Variants in VAC14 observed in about 807,000 individuals in gnomAD.
The protein encoded by VAC14 is protein VAC14 homolog.
VAC14 carries 47 observed loss-of-function variants against 85.3 expected under a neutral mutation model. That is an observed-to-expected ratio of 0.55 (90% CI 0.44 to 0.70). The LOEUF is 0.70. VAC14 is among the 30% of genes least tolerant of loss of function. The pLI, the probability that VAC14 is intolerant of heterozygous loss-of-function variation, is 0.00. For missense variants in VAC14, 861 were observed against 1,004.3 expected, an observed-to-expected ratio of 0.86 and a Z score of 1.93; for synonymous variants, 447 against 430.5, an observed-to-expected ratio of 1.04 and a Z score of -0.47.
chr16:70,709,667 C>T (rs1039568874), intron 14 of VAC14, among the ~76,000 whole-genome samples: 2 of 152,210 alleles, frequency 1.3e-5, no homozygotes, highest in Non-Finnish European at 2.9e-5. Context: ...GGAGAAAGTC[C>T]ACGGGGCTGA....
chr16:70,762,989 C>T lies in VAC14; in HGVS notation c.1197G>A (p.Gly399=). 1 of 1,614,218 alleles carries T rather than the reference C, an allele frequency of 6.2e-7. No homozygotes were observed. Among genetic ancestry groups the T allele is most frequent in the Non-Finnish European group, 8.5e-7 (1 of 1,180,046 alleles). ...ERAPVTLHLD[G]IVQVLNCHLS... ...GGTGGCAGTTTAGGACCTGCACGAT[C>T]CCGTCGAGGTGAAGGGTCACTGGGG... The change falls in exon 11 of 19, where the codon GGG becomes GGA. Residue 399 remains glycine, a synonymous_variant. Transcript: ENST00000261776. The surrounding 1 kb of genome is among the most constrained non-coding windows in gnomAD (Gnocchi z 4.1).
rs574336378 is a variant in VAC14, at chr16:70,722,938, A to AG, written c.1661+8556dup. On this transcript the variant is annotated intron_variant, in intron 14 of 18. Coordinates refer to ENST00000261776, the MANE Select transcript of VAC14 (RefSeq NM_018052.5). ...CTACAACAAAATAAAAAATGTAGCC[A>AG]GGTGAGGTGGCTCATGACTGTAATC... 8.7e-4 allele frequency among the ~76,000 whole-genome samples: 133 copies of AG among 152,270 alleles called. 1 individual carries two copies. The highest frequency in any genetic ancestry group is 3.1e-3 in the African/African-American group (129 of 41,566).
rs2054476690 is a variant in VAC14, at chr16:70,727,879, GGTGT to G, written c.1661+3612_1661+3615del. 2.0e-5 allele frequency among the ~76,000 whole-genome samples: 3 copies of G among 152,234 alleles called. No individual in the cohort carries two copies. The South Asian group carries it at 6.2e-4, about 32-fold the overall frequency. On this transcript the variant is annotated intron_variant, in intron 14 of 18. Coordinates refer to ENST00000261776, the MANE Select transcript of VAC14 (RefSeq NM_018052.5). ...CCCTGGAGCTGGTTGACAATGGCTTGGTGTGCTGGCAGAGTGGGCAGCAGGTTCC... is the reference window on the plus strand; with the variant it reads ...CCCTGGAGCTGGTTGACAATGGCTTGGCTGGCAGAGTGGGCAGCAGGTTCC...
In VAC14 at chr16:70,783,649, T is replaced by C. The variant is rs570511940; in HGVS notation, c.595-95A>G. ...GGACTGGGCTGTAGGAAGGGGACCC[T>C]GCTGAGACAGCATTTCCCTGCAGTG... On this transcript the variant is annotated intron_variant, in intron 5 of 18. Coordinates refer to ENST00000261776, the MANE Select transcript of VAC14 (RefSeq NM_018052.5). The C allele has an allele frequency of 8.1e-6, 10 of 1,234,600 alleles. No homozygotes were observed. The South Asian group carries it at 9.9e-5, about 12-fold the overall frequency. 76.5% of individuals were successfully genotyped at this position (1,234,600 alleles called of 1,614,324 possible). A position where few individuals can be genotyped will look rare whatever the true frequency, so the allele number is the denominator to read the frequency against.
chr16:70,701,219 C>T (rs1041086173), intron 14 of VAC14, among the ~76,000 whole-genome samples: 1 of 152,168 alleles, frequency 6.6e-6, no homozygotes, highest in African/African-American at 2.4e-5. Context: ...TCTGTGGTCC[C>T]AATCAGTGAC....
chr16:70,763,998 A>G (rs1344388352), intron 10 of VAC14, among the ~76,000 whole-genome samples: 1 of 152,174 alleles, frequency 6.6e-6, no homozygotes, highest in African/African-American at 2.4e-5. Flanking sequence ...GGTGCAGGCC[A>G]GGGGTTGCAT....
At chr16:70,712,241 G>A (rs559406750) in intron 14 of VAC14, among the ~76,000 whole-genome samples, 6 of 152,318 alleles carry the variant, frequency 3.9e-5, no homozygotes, top group South Asian at 2.1e-4. Context: ...GACATGAGGC[G>A]TCCTTGGAAG....
intron 12 of VAC14, among the ~76,000 whole-genome samples, chr16:70,745,518 T>TGTGTGTGTGTGTGC (rs374204849): frequency 8.5e-5 from 12 of 141,020 alleles, no homozygotes; most frequent in African/African-American, 2.1e-4. Flanking sequence ...TGTGTGTGTG[T>TGTGTGTGTGTGTGC]GCGCGTGTGC....
intron 10 of VAC14, chr16:70,771,067 G>C (rs1416072687): frequency 6.6e-6 from 1 of 152,198 alleles, no homozygotes; most frequent in Non-Finnish European, 1.5e-5. Flanking sequence ...AGAAACCCCT[G>C]TATGAGACCC....
intron 12 of VAC14, among the ~76,000 whole-genome samples, chr16:70,760,653 C>G (rs1225057590): frequency 6.6e-6 from 1 of 152,152 alleles, no homozygotes; most frequent in Non-Finnish European, 1.5e-5. Context: ...AATCGAGTTT[C>G]CACAGCCACA....
intron 13 of VAC14, among the ~76,000 whole-genome samples, chr16:70,737,290 A>G (rs994325158): frequency 6.6e-6 from 1 of 152,186 alleles, no homozygotes; most frequent in African/African-American, 2.4e-5. Context: ...ACGCCCTCCA[A>G]CACTGCGCTC....
chr16:70,754,027 C>T (rs1456376436), intron 12 of VAC14, among the ~76,000 whole-genome samples: 1 of 152,206 alleles, frequency 6.6e-6, no homozygotes, highest in Non-Finnish European at 1.5e-5. Context: ...CAGCACCCTC[C>T]TGGCCCCCAA....
chr16:70,799,474 A>T (rs1459302408), intron 1 of VAC14, among the ~76,000 whole-genome samples: 1 of 152,184 alleles, frequency 6.6e-6, no homozygotes, highest in African/African-American at 2.4e-5. Context: ...TTTAGGAGGA[A>T]ACTAAAATCC....
chr16:70,792,551 T>C (rs1464004721), intron 1 of VAC14, among the ~76,000 whole-genome samples: 3 of 152,218 alleles, frequency 2.0e-5, no homozygotes, highest in Admixed American at 2.0e-4. Flanking sequence ...GCCAGTGGCA[T>C]TGCAGGATGG....
chr16:70,765,638 A>T (rs2032748990), intron 10 of VAC14, among the ~76,000 whole-genome samples: 1 of 152,166 alleles, frequency 6.6e-6, no homozygotes, highest in African/African-American at 2.4e-5. Flanking sequence ...TGACTCCAGA[A>T]TAATCTCACC....
At chr16:70,726,712 C>T (rs1479219054) in intron 14 of VAC14, among the ~76,000 whole-genome samples, 1 of 152,214 alleles carries the variant, frequency 6.6e-6, no homozygotes, top group African/African-American at 2.4e-5. Context: ...CCCCACCGCA[C>T]ATGTCGCCAT....
At chr16:70,691,447 CGGTGT>C in intron 18 of VAC14, 1 of 985,292 alleles carries the variant, frequency 1.0e-6, no homozygotes, top group Non-Finnish European at 1.2e-6. Flanking sequence ...CAGCAAGGCC[CGGTGT>C]GGCTTCTAGG....
chr16:70,749,512 G>C (rs2031201358), intron 12 of VAC14, among the ~76,000 whole-genome samples: 1 of 152,240 alleles, frequency 6.6e-6, no homozygotes, highest in African/African-American at 2.4e-5. Context: ...GTCCCCAGAG[G>C]CTGGCAAAAA....
chr16:70,703,772 C>T (rs996540429), intron 14 of VAC14, among the ~76,000 whole-genome samples: 5 of 152,220 alleles, frequency 3.3e-5, no homozygotes, highest in Admixed American at 2.0e-4. Context: ...AACCTGCCCT[C>T]GGCCTGCTCT....
Sources: allele counts gnomAD v4.1 joint callset (sites outside exome capture counted in the v4.1 genomes callset), GRCh38; gene constraint gnomAD v4.1.1; non-coding constraint Gnocchi (gnomAD v3.1); transcripts MANE v1.5; gene names NCBI Gene and HGNC (gene_info 2026-07-23, HGNC 2026-07-21).